RIMBP2: variants seen among roughly 807,000 people sequenced by gnomAD.
The protein encoded by RIMBP2 is RIMS binding protein 2.
RIMBP2 carries 48 observed loss-of-function variants against 118.6 expected under a neutral mutation model. The ratio of observed to expected loss-of-function variants is 0.40; its 90% CI spans 0.32 to 0.51. The LOEUF (loss-of-function observed/expected upper bound fraction) is 0.51, where lower values mean the gene tolerates loss of function less well. RIMBP2 is among the 20% of genes least tolerant of loss of function. The probability of loss-of-function intolerance (pLI) is 0.41; values close to 1 mark genes in which losing one functional copy is unlikely to be tolerated. For synonymous variants in RIMBP2, 762 were observed against 742.9 expected, an observed-to-expected ratio of 1.03 and a Z score of -0.42; for missense variants, 1,551 against 1,768.3, an observed-to-expected ratio of 0.88 and a Z score of 2.20.
At chr12:130,611,337 G>A (rs193081460) in intron 2 of RIMBP2, among the ~76,000 whole-genome samples, 2 of 152,346 alleles carry the variant, frequency 1.3e-5, no homozygotes, top group African/African-American at 4.8e-5. Context: ...GATGATTGAC[G>A]TCCCTCCCGT....
intron 1 of RIMBP2, chr12:130,657,763 AGC>A (rs2136315454): frequency 6.6e-6 from 1 of 151,118 alleles, no homozygotes; most frequent in South Asian, 2.1e-4. Context: ...CGGAGGATGG[AGC>A]CCCAGCGCAC....
At chr12:130,476,904 A>AC (rs1389512359) in intron 5 of RIMBP2, among the ~76,000 whole-genome samples, 1 of 152,214 alleles carries the variant, frequency 6.6e-6, no homozygotes, top group Non-Finnish European at 1.5e-5. Context: ...GAATGACGGT[A>AC]CGACGGAGCT....
intron 2 of RIMBP2, among the ~76,000 whole-genome samples, chr12:130,600,462 C>T (rs1231195506): frequency 6.6e-6 from 1 of 151,986 alleles, no homozygotes; most frequent in Non-Finnish European, 1.5e-5. Context: ...AGAACCTCCC[C>T]CGTCTGGCCG....
chr12:130,424,830 C>T lies in RIMBP2; in HGVS notation c.2441G>A (p.Gly814Asp), dbSNP rs2076672140. ...KDCTDHRTSEGTFWEQPEFPH... is the reference protein window; with the variant it reads ...KDCTDHRTSEDTFWEQPEFPH... ...AAACTCGGGCTGCTCCCAGAAAGTG[C>T]CTTCCGAGGTCCTATGGTCAGTGCA... The change falls in exon 16 of 23, where the codon GGC (glycine) becomes GAC (aspartate). Residue 814 changes from glycine (G) to aspartate (D), a missense_variant. Transcript: ENST00000690449. This position sits in a 1 kb window ranked among gnomAD's most constrained non-coding sequence, Gnocchi z 9.8. The T allele has an allele frequency of 8.1e-7, 1 of 1,232,672 alleles. No homozygotes were observed. Among genetic ancestry groups the T allele is most frequent in the African/African-American group, 1.5e-5 (1 of 64,540 alleles). The allele number at this position is 1,232,672 out of a possible 1,614,324, so 76.4% of individuals were successfully genotyped here. A position where few individuals can be genotyped will look rare whatever the true frequency, so the allele number is the denominator to read the frequency against.
At chr12:130,592,794 C>T (rs936517157) in intron 2 of RIMBP2, among the ~76,000 whole-genome samples, 31 of 151,940 alleles carry the variant, frequency 2.0e-4, no homozygotes, top group Middle Eastern at 6.8e-3. Flanking sequence ...AAGAGCGTTT[C>T]GCCCAGCACG....
chr12:130,436,971 G>T lies in RIMBP2; in HGVS notation c.1977C>A (p.Pro659=). 6.2e-7 allele frequency: 1 copy of T among 1,608,668 alleles called. No individual in the cohort carries two copies. The highest frequency in any genetic ancestry group is 8.5e-7 in the Non-Finnish European group (1 of 1,178,004). The part of the protein sequence containing the change: ...GPVHGHMLEP[P]VGPGRRSPSP... ...AGGGCGACCGCCTTCCGGGGCCCAC[G>T]GGCGGCTCCAGCATGTGCCCATGCA... Residue 659 remains proline, a synonymous_variant, in exon 13 of 23, where the codon CCC becomes CCA. Coordinates refer to ENST00000690449, the MANE Select transcript of RIMBP2 (RefSeq NM_001393629.1).
chr12:130,569,134 C>G (rs556599121), intron 2 of RIMBP2, among the ~76,000 whole-genome samples: 1 of 152,288 alleles, frequency 6.6e-6, no homozygotes, highest in South Asian at 2.1e-4. Context: ...ACCTACTAGA[C>G]AGTCCACACA....
At chr12:130,457,845 G>A (rs996305760) in intron 6 of RIMBP2, among the ~76,000 whole-genome samples, 8 of 152,192 alleles carry the variant, frequency 5.3e-5, no homozygotes, top group African/African-American at 1.9e-4. Flanking sequence ...CGTGCTCCTC[G>A]TGGGGATGGC....
At chr12:130,604,099 G>A (rs779318978) in intron 2 of RIMBP2, among the ~76,000 whole-genome samples, 3 of 152,024 alleles carry the variant, frequency 2.0e-5, no homozygotes, top group Non-Finnish European at 4.4e-5. Flanking sequence ...TCCTGACCCC[G>A]GGTAGGCCCA....
intron 2 of RIMBP2, among the ~76,000 whole-genome samples, chr12:130,559,729 A>C (rs1406796276): frequency 1.3e-5 from 2 of 152,204 alleles, no homozygotes; most frequent in Admixed American, 6.5e-5. Flanking sequence ...CCGTGAGACC[A>C]CATGCTGTAG....
chr12:130,510,923 G>A (rs182578021), intron 3 of RIMBP2, among the ~76,000 whole-genome samples: 1 of 152,168 alleles, frequency 6.6e-6, no homozygotes, highest in East Asian at 1.9e-4. Flanking sequence ...TGTGGACAAG[G>A]AGGGGGAGGG....
At chr12:130,494,276 AC>A (rs2138515282) in intron 4 of RIMBP2, among the ~76,000 whole-genome samples, 1 of 152,224 alleles carries the variant, frequency 6.6e-6, no homozygotes, top group East Asian at 1.9e-4. Context: ...CCTCCCCGCC[AC>A]CACGGTTCTC....
chr12:130,702,366 A>G (rs1347844625), intron 1 of RIMBP2, among the ~76,000 whole-genome samples: 1 of 152,036 alleles, frequency 6.6e-6, no homozygotes, highest in Non-Finnish European at 1.5e-5. Context: ...AAAATACAAA[A>G]TTAACTGAGT....
Position 130,527,917 on chromosome 12 carries a change from C to T in RIMBP2, c.-216-10000G>A, listed in dbSNP as rs142540756. On this transcript the variant is annotated intron_variant, in intron 2 of 22. Transcript: ENST00000690449. ...TACCATCTCATAACAGTCAGAATGGCGATTACTAAAAAGTCAGTCAAGAAA... is the reference window on the plus strand; with the variant it reads ...TACCATCTCATAACAGTCAGAATGGTGATTACTAAAAAGTCAGTCAAGAAA... 4.0e-3 allele frequency among the ~76,000 whole-genome samples: 605 copies of T among 152,144 alleles called. 5 individuals are homozygous for T. The highest frequency in any genetic ancestry group is 6.5e-3 in the Admixed American group (100 of 15,280).
chr12:130,665,952 C>G (rs758228515), intron 1 of RIMBP2, among the ~76,000 whole-genome samples: 3 of 152,162 alleles, frequency 2.0e-5, no homozygotes, highest in Non-Finnish European at 4.4e-5. Context: ...GGAACTCACT[C>G]TCAAACACCA....
intron 4 of RIMBP2, among the ~76,000 whole-genome samples, chr12:130,480,872 AT>A (rs1413336744): frequency 5.3e-5 from 8 of 152,352 alleles, no homozygotes; most frequent in African/African-American, 1.9e-4. Context: ...AAGTGCTGGG[AT>A]TACAGGCGTG....
At position 130,585,480 on chromosome 12, in the gene RIMBP2, T is replaced by C. The variant is rs552040469; in HGVS notation, c.-217+42842A>G. Among the ~76,000 whole-genome samples the C allele has an allele frequency of 4.1e-4, 62 of 152,138 alleles. 1 individual carries two copies. The South Asian group carries it at 0.013, about 31-fold the overall frequency. On this transcript the variant is annotated intron_variant, in intron 2 of 22. Transcript: ENST00000690449. ...CCACTTTTAGGGCAGGTTGTGGTCATATGTGCCTGTAGTCCCAGCTACTCG... is the reference window on the plus strand; with the variant it reads ...CCACTTTTAGGGCAGGTTGTGGTCACATGTGCCTGTAGTCCCAGCTACTCG...
intron 3 of RIMBP2, among the ~76,000 whole-genome samples, chr12:130,515,269 T>C (rs1030484510): frequency 2.0e-5 from 3 of 152,210 alleles, no homozygotes; most frequent in African/African-American, 4.8e-5. Flanking sequence ...TTCAGTGGCA[T>C]TAAGGACATT....
chr12:130,457,564 A>C (rs1793791492), intron 6 of RIMBP2, among the ~76,000 whole-genome samples: 1 of 152,208 alleles, frequency 6.6e-6, no homozygotes, highest in African/African-American at 2.4e-5. Context: ...CACCCATCAC[A>C]GAAGGTGCAG....
Sources: allele counts gnomAD v4.1 joint callset (sites outside exome capture counted in the v4.1 genomes callset), GRCh38; gene constraint gnomAD v4.1.1; non-coding constraint Gnocchi (gnomAD v3.1); transcripts MANE v1.5; gene names NCBI Gene and HGNC (gene_info 2026-07-23, HGNC 2026-07-21).